Variants in KYNU observed in about 807,000 individuals in gnomAD.
KYNU encodes L-kynurenine hydrolase.
A neutral mutation model predicts 59.2 loss-of-function variants in KYNU; 54 were observed. The ratio of observed to expected loss-of-function variants is 0.91; its 90% CI spans 0.73 to 1.14. The LOEUF (loss-of-function observed/expected upper bound fraction) is 1.14. Among genes scored for constraint, KYNU ranks in the 50% most tolerant of loss-of-function variants. The pLI is 0.00. For synonymous variants in KYNU, 177 were observed against 192.0 expected (o/e 0.92, Z 0.65); for missense variants, 567 against 554.4 (o/e 1.02, Z -0.23).
At chr2:143,029,524 G>A in intron 10 of KYNU, 103 bp from the exon 11 acceptor site, 1 of 739,922 alleles carries the variant, frequency 1.4e-6, no homozygotes, top group Non-Finnish European at 2.5e-6. Flanking sequence ...AGGCAGAGGT[G>A]GCAGTGAGCT....
intron 2 of KYNU, among the ~76,000 whole-genome samples, chr2:142,899,131 C>A (rs62169863): frequency 0.13 from 20,220 of 151,990 alleles, 1,598 homozygotes; most frequent in African/African-American, 0.22. Flanking sequence ...AAAAGCTCAG[C>A]TCAAGCCGTA....
chr2:142,981,376 GAAGAA>G (rs1685047329), intron 8 of KYNU, among the ~76,000 whole-genome samples: 1 of 152,228 alleles, frequency 6.6e-6, no homozygotes, highest in South Asian at 2.1e-4. Flanking sequence ...ATGTTGAAGA[GAAGAA>G]AAGAGAGTTT....
chr2:142,964,223 A>G (rs1008608085), intron 8 of KYNU, among the ~76,000 whole-genome samples: 15 of 151,780 alleles, frequency 9.9e-5, no homozygotes, highest in African/African-American at 3.6e-4. Flanking sequence ...TCATTTGAGA[A>G]CTACTAATAT....
chr2:142,886,420 A>G, intron 2 of KYNU, among the ~76,000 whole-genome samples: 1 of 152,112 alleles, frequency 6.6e-6, no homozygotes, highest in East Asian at 1.9e-4. Flanking sequence ...ATTTGTCTTC[A>G]GCTATGTACC....
chr2:142,910,662 GGAT>G (rs1184120711), intron 2 of KYNU, among the ~76,000 whole-genome samples: 12 of 152,180 alleles, frequency 7.9e-5, no homozygotes, highest in South Asian at 2.1e-4. Flanking sequence ...CCACTGTCCA[GGAT>G]GATATTTCCT....
At chr2:143,026,556 G>A (rs1686569904) in intron 10 of KYNU, among the ~76,000 whole-genome samples, 1 of 152,196 alleles carries the variant, frequency 6.6e-6, no homozygotes, top group Non-Finnish European at 1.5e-5. Context: ...CCACTCACTC[G>A]GACCTGCAGC....
At chr2:142,972,809 TATATAG>T (rs1468265423) in intron 8 of KYNU, among the ~76,000 whole-genome samples, 40 of 137,392 alleles carry the variant, frequency 2.9e-4, no homozygotes, top group Middle Eastern at 3.8e-3. Flanking sequence ...TATATATATA[TATATAG>T]AGAGAGAGAG....
At chr2:142,958,012 A>G (rs549044421) in intron 7 of KYNU, 29 of 305,610 alleles carry the variant, frequency 9.5e-5, no homozygotes, top group Admixed American at 1.5e-4. Context: ...CAAATTTAGT[A>G]TATCATTTTC....
chr2:142,967,471 A>G (rs1480599641), intron 8 of KYNU: 1 of 152,176 alleles, frequency 6.6e-6, no homozygotes, highest in African/African-American at 2.4e-5. Flanking sequence ...AGCTGTTTAA[A>G]TTATTAAAAA....
intron 2 of KYNU, among the ~76,000 whole-genome samples, chr2:142,912,204 TTA>T (rs149718843): frequency 6.6e-6 from 1 of 152,198 alleles, no homozygotes; most frequent in Non-Finnish European, 1.5e-5. Context: ...TGGTAAGATT[TTA>T]TGACTGATTC....
chr2:142,882,923 T>C (rs1191494418), intron 1 of KYNU, among the ~76,000 whole-genome samples: 1 of 152,302 alleles, frequency 6.6e-6, no homozygotes, highest in South Asian at 2.1e-4. Context: ...CCACAATGGT[T>C]GAACTAGTTT....
chr2:142,914,122 CTGTG>C (rs753433766), intron 2 of KYNU, among the ~76,000 whole-genome samples: 4 of 152,220 alleles, frequency 2.6e-5, no homozygotes, highest in Admixed American at 6.5e-5. Context: ...AGGCTGGTCT[CTGTG>C]TTGATTTGGA....
intron 1 of KYNU, among the ~76,000 whole-genome samples, chr2:142,882,008 C>T (rs1302290348): frequency 1.3e-5 from 2 of 150,618 alleles, no homozygotes; most frequent in Non-Finnish European, 2.9e-5. Flanking sequence ...CCTGCCTCGG[C>T]CTCCCAGTGC....
At chr2:142,979,099 G>GA (rs1241632231) in intron 8 of KYNU, among the ~76,000 whole-genome samples, 2 of 152,058 alleles carry the variant, frequency 1.3e-5, no homozygotes, top group Admixed American at 1.3e-4. Context: ...TCACTAATTA[G>GA]AAAAAATTTT....
At position 142,956,252 on chromosome 2, in the gene KYNU, C is replaced by T; in HGVS notation, c.485C>T (p.Ala162Val). The change falls in exon 6 of 14, where the codon GCC becomes GTC. Residue 162 changes from alanine to valine, a missense_variant. Physicochemically the swap from Ala to Val is moderately conservative, Grantham distance 64. Transcript: ENST00000264170. Reference protein sequence around the residue: ...TPKRYKILLEAKAFPSDHYAI... With the variant: ...TPKRYKILLEVKAFPSDHYAI... Reference sequence around the variant, plus strand: ...AAACGATATAAAATTCTTCTAGAAGCCAAAGCCTTCCCTTCTGATCATGTA... The same window carrying T: ...AAACGATATAAAATTCTTCTAGAAGTCAAAGCCTTCCCTTCTGATCATGTA... 5 of 1,601,950 alleles carry T rather than the reference C, an allele frequency of 3.1e-6. No homozygotes were observed. The highest frequency in any genetic ancestry group is 4.3e-6 in the Non-Finnish European group (5 of 1,169,592).
chr2:142,884,638 A>G (rs1250752284), intron 1 of KYNU, among the ~76,000 whole-genome samples: 1 of 145,992 alleles, frequency 6.8e-6, no homozygotes, highest in Admixed American at 6.8e-5. Context: ...CTATTATCTA[A>G]TTTAGTCCTT....
chr2:143,042,153 C>T lies in KYNU; in HGVS notation c.1379C>T (p.Ser460Phe), dbSNP rs1340907157. The change falls in exon 14 of 14, where the codon TCT (serine) becomes TTT (phenylalanine). Residue 460 changes from serine (S) to phenylalanine (F), a missense_variant. Ser to Phe is a radical substitution (Grantham distance 155, BLOSUM62 -2). Transcript: ENST00000264170. ...FTNLLTSILD[S>F]AETKN ...AATCTGCTCACTTCTATACTTGACT[C>T]TGCAGAAACAAAAAATTAGCAGTGT... 1 of 1,609,764 alleles carries T rather than the reference C, an allele frequency of 6.2e-7. No individual in the cohort carries two copies. The highest frequency in any genetic ancestry group is 2.2e-5 in the East Asian group (1 of 44,794).
In KYNU at chr2:142,941,357, T is replaced by C. The variant is rs181583837; in HGVS notation, c.374-13453T>C. Among the ~76,000 whole-genome samples the C allele has an allele frequency of 5.3e-5, 8 of 152,356 alleles. No homozygotes were observed. The East Asian group carries it at 1.5e-3, about 29-fold the overall frequency. On this transcript the variant is annotated intron_variant, in intron 4 of 13. Coordinates refer to ENST00000264170, the MANE Select transcript of KYNU (RefSeq NM_003937.3). ...CAAATATTTCTTGTTATAACACACC[T>C]ATGGGACAAAATTCATTTAGTTTTC...
chr2:142,960,790 C>A lies in KYNU; in HGVS notation c.729+20C>A, dbSNP rs116325835. Reference sequence around the variant, plus strand: ...GCGAAGGTATGCACGCCATTTACTTCTTCCCACCTTACTCCAAACATCACT... The same window carrying A: ...GCGAAGGTATGCACGCCATTTACTTATTCCCACCTTACTCCAAACATCACT... On this transcript the variant is annotated intron_variant, in intron 8 of 13. Transcript: ENST00000264170. 6.2e-4 allele frequency: 998 copies of A among 1,612,440 alleles called. 3 individuals are homozygous for A. In the Middle Eastern group the frequency reaches 0.011, roughly 17 times the overall value.
Sources: gnomAD v4.1 joint callset for allele counts (sites outside exome capture counted in the v4.1 genomes callset) on GRCh38, gnomAD v4.1.1 for gene constraint, MANE v1.5 for transcripts, NCBI Gene and HGNC (gene_info 2026-07-23, HGNC 2026-07-21) for gene names.